PXYLP1: variants seen among roughly 807,000 people sequenced by gnomAD.
PXYLP1 encodes acid phosphatase-like 2.
Under a neutral mutation model 37.9 loss-of-function variants are expected in PXYLP1, and 17 were observed. The ratio of observed to expected loss-of-function variants is 0.45; its 90% CI spans 0.31 to 0.67. The LOEUF is 0.67. Ranked by LOEUF, PXYLP1 falls within the 30% of genes least tolerant of loss-of-function variation. PXYLP1 has a pLI of 0.07. For synonymous variants in PXYLP1, 221 were observed against 232.2 expected (o/e 0.95, Z 0.44); for missense variants, 511 against 612.0 (o/e 0.84, Z 1.74).
chr3:141,289,953 C>T (rs1342761303), intron 5 of PXYLP1, among the ~76,000 whole-genome samples: 4 of 152,210 alleles, frequency 2.6e-5, no homozygotes, highest in African/African-American at 9.7e-5. Flanking sequence ...TCATCATCAT[C>T]GTTTCTAAAT....
intron 4 of PXYLP1, among the ~76,000 whole-genome samples, chr3:141,279,849 G>C (rs1369590811): frequency 6.6e-6 from 1 of 152,224 alleles, no homozygotes; most frequent in Non-Finnish European, 1.5e-5. Context: ...CAGCGGGCAA[G>C]CCCCTTAGTG....
At chr3:141,260,385 A>G in intron 2 of PXYLP1, 131 bp downstream of exon 2, 1 of 1,050,428 alleles carries the variant, frequency 9.5e-7, no homozygotes, top group Non-Finnish European at 1.4e-6. Flanking sequence ...GTTGGCACTC[A>G]CAGTGGCCGG....
intron 2 of PXYLP1, among the ~76,000 whole-genome samples, chr3:141,261,298 C>T (rs1221236088): frequency 2.0e-5 from 3 of 152,156 alleles, no homozygotes; most frequent in Admixed American, 6.5e-5. Context: ...GGACTGGAGG[C>T]GTGCACCACC....
chr3:141,235,135 G>T (rs2107855031), intron 1 of PXYLP1: 1 of 152,380 alleles, frequency 6.6e-6, no homozygotes, highest in African/African-American at 2.4e-5. Context: ...CCACATTCCA[G>T]TGTAGGGGTT....
intron 1 of PXYLP1, among the ~76,000 whole-genome samples, chr3:141,249,410 C>G (rs2148715133): frequency 6.6e-6 from 1 of 150,930 alleles, no homozygotes; most frequent in South Asian, 2.1e-4. Context: ...CCTTGATAAC[C>G]TGTCCTTTCA....
rs561338080 is a variant in PXYLP1, at chr3:141,250,262, T to G, written c.-53-9861T>G. On this transcript the variant is annotated intron_variant, in intron 1 of 5. Transcript: ENST00000286353. ...GCACTGATGTTTTTAAACATATAAT[T>G]ATGACTGTATGTGTTTTGATTATTG... Among the ~76,000 whole-genome samples the G allele has an allele frequency of 2.6e-5, 4 of 152,378 alleles. No homozygotes were observed. In the South Asian group the frequency reaches 8.3e-4, roughly 32 times the overall value.
Position 141,287,505 on chromosome 3 carries a change from G to T in PXYLP1, c.505+52G>T, listed in dbSNP as rs761945059. On this transcript the variant is annotated intron_variant, in intron 5 of 5. Transcript: ENST00000286353. Reference sequence around the variant, plus strand: ...GGTTCCCCCACCCGCTCTTCTGCTTGCATACCTTCCGAGCAGTTCTCCTGG... The same window carrying T: ...GGTTCCCCCACCCGCTCTTCTGCTTTCATACCTTCCGAGCAGTTCTCCTGG... 5.7e-6 allele frequency: 9 copies of T among 1,589,442 alleles called. No homozygotes were observed. In the South Asian group the frequency reaches 7.9e-5, roughly 14 times the overall value.
intron 5 of PXYLP1, among the ~76,000 whole-genome samples, chr3:141,290,324 TCAGA>T (rs1359623494): frequency 6.6e-6 from 1 of 152,000 alleles, no homozygotes; most frequent in South Asian, 2.1e-4. Flanking sequence ...GGCCTTGGAG[TCAGA>T]CAGACCTGTA....
chr3:141,262,735 C>G (rs1249490016), intron 2 of PXYLP1: 1 of 1,514,616 alleles, frequency 6.6e-7, no homozygotes, highest in African/African-American at 1.4e-5. Flanking sequence ...TAAACTGTAA[C>G]TTTGGAATTT....
chr3:141,232,355 A>C (rs1015091209), intron 1 of PXYLP1: 1 of 138,696 alleles, frequency 7.2e-6, no homozygotes, highest in Non-Finnish European at 1.6e-5. Context: ...CGGCCCCCGC[A>C]CTCCCGCCGC....
intron 5 of PXYLP1, among the ~76,000 whole-genome samples, chr3:141,288,169 T>C (rs916855659): frequency 4.6e-5 from 7 of 152,214 alleles, no homozygotes; most frequent in African/African-American, 1.7e-4. Flanking sequence ...TTGCTGGGAA[T>C]AGAGGAACAG....
chr3:141,270,949 A>C (rs962010871), intron 2 of PXYLP1, among the ~76,000 whole-genome samples: 9 of 152,162 alleles, frequency 5.9e-5, no homozygotes, highest in Non-Finnish European at 1.2e-4. Flanking sequence ...GGAATGCAGT[A>C]GTGTGATCAG....
intron 2 of PXYLP1, among the ~76,000 whole-genome samples, chr3:141,261,564 G>A (rs780947298): frequency 2.0e-5 from 3 of 152,180 alleles, no homozygotes; most frequent in Admixed American, 6.5e-5. Flanking sequence ...AGAAGAAGAA[G>A]AGCAGTAAGA....
chr3:141,286,760 C>T (rs1490889118), intron 4 of PXYLP1, among the ~76,000 whole-genome samples: 2 of 152,058 alleles, frequency 1.3e-5, no homozygotes, highest in Non-Finnish European at 2.9e-5. Flanking sequence ...GTGGAGAAGG[C>T]AAGATTATTA....
intron 2 of PXYLP1, chr3:141,262,813 A>G (rs1257748872): frequency 8.1e-6 from 8 of 982,474 alleles, no homozygotes; most frequent in Admixed American, 2.1e-5. Flanking sequence ...GCTTATTATT[A>G]TACTGTAAGA....
intron 1 of PXYLP1, among the ~76,000 whole-genome samples, chr3:141,233,606 C>G (rs1940587643): frequency 6.6e-6 from 1 of 152,076 alleles, no homozygotes; most frequent in Non-Finnish European, 1.5e-5. Context: ...TTGCTTATCT[C>G]AGAGAAAGGA....
rs1418720796 is a variant in PXYLP1, at chr3:141,253,101, C to A, written c.-53-7022C>A. Among the ~76,000 whole-genome samples the A allele has an allele frequency of 4.0e-5, 6 of 151,816 alleles. No individual in the cohort carries two copies. In the East Asian group the frequency reaches 9.7e-4, roughly 24 times the overall value. On this transcript the variant is annotated intron_variant, in intron 1 of 5. Transcript: ENST00000286353. ...GGTGGTGTGGATCCTGCAATCAGACCCCTCTTCCCGCTCCATCCTGCAGCT... is the reference window on the plus strand; with the variant it reads ...GGTGGTGTGGATCCTGCAATCAGACACCTCTTCCCGCTCCATCCTGCAGCT...
At chr3:141,256,017 C>T (rs1359144534) in intron 1 of PXYLP1, among the ~76,000 whole-genome samples, 1 of 152,140 alleles carries the variant, frequency 6.6e-6, no homozygotes, top group Non-Finnish European at 1.5e-5. Flanking sequence ...GACGTGGCTG[C>T]CTACCCTGAT....
intron 1 of PXYLP1, among the ~76,000 whole-genome samples, chr3:141,255,994 G>C (rs1941253760): frequency 6.6e-6 from 1 of 152,224 alleles, no homozygotes; most frequent in Non-Finnish European, 1.5e-5. Context: ...GAGGAGCCAT[G>C]AACATGGTTG....
Sources: allele counts gnomAD v4.1 joint callset (sites outside exome capture counted in the v4.1 genomes callset), GRCh38; gene constraint gnomAD v4.1.1; transcripts MANE v1.5; gene names NCBI Gene and HGNC (gene_info 2026-07-23, HGNC 2026-07-21).